The following MTUS2 variants were observed in gnomAD, a reference collection of about 807,000 sequenced individuals.
The protein encoded by MTUS2 is microtubule associated scaffold protein 2, also known as microtubule-associated tumor suppressor candidate 2.
MTUS2 carries 40 observed loss-of-function variants against 114.1 expected under a neutral mutation model. That is an observed-to-expected ratio of 0.35 (90% CI 0.27 to 0.46). The LOEUF (loss-of-function observed/expected upper bound fraction) is 0.46, where lower values mean the gene tolerates loss of function less well. Among genes scored for constraint, MTUS2 ranks in the 20% least tolerant of loss-of-function variants. The pLI, the probability that MTUS2 is intolerant of heterozygous loss-of-function variation, is 1.00. For synonymous variants in MTUS2, 688 were observed against 672.0 expected (o/e 1.02, Z -0.37); for missense variants, 1,679 against 1,705.4 (o/e 0.98, Z 0.27).
intron 8 of MTUS2, among the ~76,000 whole-genome samples, chr13:29,416,642 G>A (rs899374704): frequency 2.6e-5 from 4 of 152,064 alleles, no homozygotes; most frequent in Non-Finnish European, 5.9e-5. Context: ...AAGGTTTTGT[G>A]TGTTTCACAC....
intron 5 of MTUS2, among the ~76,000 whole-genome samples, chr13:29,142,621 G>A (rs1370681654): frequency 6.6e-6 from 1 of 152,104 alleles, no homozygotes; most frequent in African/African-American, 2.4e-5. Flanking sequence ...CAGGAGAATC[G>A]CTTGAACCTG....
At position 29,335,369 on chromosome 13, in the gene MTUS2, A is replaced by AG. The variant is rs1901003523; in HGVS notation, c.2905+10658_2905+10659insG. ...CTCTCAAACCCTGTCTCCTGATAAG[A>AG]TGTTATCAGTGACAATGTGTGCCCG... On this transcript the variant is annotated intron_variant, in intron 7 of 15. Transcript: ENST00000612955. Among the ~76,000 whole-genome samples the AG allele has an allele frequency of 3.3e-5, 5 of 152,270 alleles. No homozygotes were observed. In the South Asian group the frequency reaches 1.0e-3, roughly 32 times the overall value.
chr13:28,983,608 T>C (rs1458431590), intron 2 of MTUS2, among the ~76,000 whole-genome samples: 1 of 152,232 alleles, frequency 6.6e-6, no homozygotes, highest in East Asian at 1.9e-4. Context: ...ATTTCATGGA[T>C]GGCTTTCATT....
intron 5 of MTUS2, among the ~76,000 whole-genome samples, chr13:29,240,707 C>G (rs1323680975): frequency 2.0e-5 from 3 of 152,152 alleles, no homozygotes. Flanking sequence ...ATTAAAATTT[C>G]TAAACAGTGG....
At chr13:29,327,224 A>G (rs1034269728) in intron 7 of MTUS2, among the ~76,000 whole-genome samples, 1 of 152,318 alleles carries the variant, frequency 6.6e-6, no homozygotes, top group South Asian at 2.1e-4. Flanking sequence ...GTTGTAAAAC[A>G]TATCTATTGT....
At chr13:29,176,794 A>G (rs543414535) in intron 5 of MTUS2, among the ~76,000 whole-genome samples, 4 of 151,584 alleles carry the variant, frequency 2.6e-5, no homozygotes, top group Admixed American at 2.6e-4. Context: ...TCAGACCATG[A>G]TAACAGCTCT....
chr13:29,350,745 C>G (rs1195437935), intron 7 of MTUS2, among the ~76,000 whole-genome samples: 1 of 151,698 alleles, frequency 6.6e-6, no homozygotes, highest in East Asian at 1.9e-4. Context: ...AAGGTGCTGG[C>G]TGATTTGGAT....
At chr13:29,024,265 A>T (rs1277112440) in intron 2 of MTUS2, among the ~76,000 whole-genome samples, 192 bp from the exon 3 acceptor site, 1 of 152,194 alleles carries the variant, frequency 6.6e-6, no homozygotes, top group Non-Finnish European at 1.5e-5. Context: ...TCCATTTCTA[A>T]CATTAAACAT....
chr13:28,881,355 T>A (rs1359351491), intron 2 of MTUS2, among the ~76,000 whole-genome samples: 1 of 152,232 alleles, frequency 6.6e-6, no homozygotes, highest in Non-Finnish European at 1.5e-5. Flanking sequence ...GTACCACATT[T>A]TTTTTTTCTA....
At chr13:29,117,520 A>G (rs1344393467) in intron 5 of MTUS2, among the ~76,000 whole-genome samples, 1 of 152,158 alleles carries the variant, frequency 6.6e-6, no homozygotes, top group Non-Finnish European at 1.5e-5. Flanking sequence ...GACCACAGTA[A>G]TGCAGGGCTC....
intron 7 of MTUS2, among the ~76,000 whole-genome samples, chr13:29,352,335 C>G (rs1869363052): frequency 1.3e-5 from 2 of 152,216 alleles, no homozygotes; most frequent in South Asian, 4.1e-4. Flanking sequence ...TCCAGCCTTC[C>G]TGATAGCAGA....
chr13:29,466,470 G>T (rs1222399183), intron 9 of MTUS2, among the ~76,000 whole-genome samples: 1 of 152,194 alleles, frequency 6.6e-6, no homozygotes, highest in African/African-American at 2.4e-5. Context: ...AAGCTGGGAT[G>T]AGTTGATAAG....
chr13:29,010,232 A>T (rs1174297154), intron 2 of MTUS2, among the ~76,000 whole-genome samples: 1 of 150,134 alleles, frequency 6.7e-6, no homozygotes, highest in East Asian at 2.0e-4. Context: ...AAAAAGCTAT[A>T]AAATGCTTAC....
At chr13:29,346,433 G>T (rs1868694540) in intron 7 of MTUS2, among the ~76,000 whole-genome samples, 4 of 152,186 alleles carry the variant, frequency 2.6e-5, no homozygotes, top group African/African-American at 9.6e-5. Flanking sequence ...TATGTTCCCA[G>T]GGGGATTATG....
intron 1 of MTUS2, among the ~76,000 whole-genome samples, chr13:28,826,356 A>C (rs1874269825): frequency 6.6e-6 from 1 of 152,206 alleles, no homozygotes; most frequent in Non-Finnish European, 1.5e-5. Flanking sequence ...ATAGAAGACG[A>C]GACTGTTTAT....
At chr13:29,440,429 C>G (rs912803596) in intron 9 of MTUS2, among the ~76,000 whole-genome samples, 2 of 152,176 alleles carry the variant, frequency 1.3e-5, no homozygotes, top group Admixed American at 1.3e-4. Flanking sequence ...GTGAAATACT[C>G]TGTGATCTAG....
chr13:28,912,736 G>GTTAGC (rs768836079), intron 2 of MTUS2, among the ~76,000 whole-genome samples: 59 of 152,086 alleles, frequency 3.9e-4, no homozygotes, highest in Admixed American at 9.2e-4. Flanking sequence ...TACTTCCCTT[G>GTTAGC]TTAGCTTAGC....
Position 29,380,772 on chromosome 13 carries a change from C to T in MTUS2, c.3117+21299C>T, listed in dbSNP as rs1432561098. On this transcript the variant is annotated intron_variant, in intron 8 of 15. Coordinates refer to ENST00000612955, the MANE Select transcript of MTUS2 (RefSeq NM_001033602.4). ...TCTACTAAAAATACAAAAAATTAGC[C>T]GGGCGCGGTGGCGGGCACCTGTAGT... is the stretch of plus-strand genomic sequence containing the variant. 1.3e-4 allele frequency among the ~76,000 whole-genome samples: 8 copies of T among 61,870 alleles called. 2 individuals carry two copies. The highest frequency in any genetic ancestry group is 2.8e-4 in the African/African-American group (8 of 28,530). The allele number at this position is 61,870 out of a possible 152,430, so 40.6% of individuals were successfully genotyped here.
intron 2 of MTUS2, among the ~76,000 whole-genome samples, chr13:28,984,624 C>G (rs1364377412): frequency 6.6e-6 from 1 of 152,186 alleles, no homozygotes; most frequent in East Asian, 1.9e-4. Flanking sequence ...TGTATTTGGG[C>G]TCTTTTCGAA....
Sources: allele counts gnomAD v4.1 joint callset (sites outside exome capture counted in the v4.1 genomes callset), GRCh38; gene constraint gnomAD v4.1.1; transcripts MANE v1.5; gene names NCBI Gene and HGNC (gene_info 2026-07-23, HGNC 2026-07-21).